Variants in EYS observed in about 807,000 individuals in gnomAD.
EYS encodes the protein protein eyes shut homolog.
EYS carries 250 observed loss-of-function variants against 282.1 expected under a neutral mutation model. The observed-to-expected ratio is 0.89, with a 90% confidence interval of 0.80 to 0.98. EYS has a LOEUF of 0.98. Among genes scored for constraint, EYS ranks in the 50% least tolerant of loss-of-function variants. EYS has a pLI of 0.00. For missense variants in EYS, 4,016 were observed against 3,709.0 expected (o/e 1.08, Z -2.15); for synonymous variants, 1,355 against 1,282.9 (o/e 1.06, Z -1.20).
At chr6:63,998,554 C>A (rs1461379587) in intron 34 of EYS, among the ~76,000 whole-genome samples, 1 of 152,086 alleles carries the variant, frequency 6.6e-6, no homozygotes, top group Non-Finnish European at 1.5e-5. Context: ...ATGTAACCAA[C>A]CACATCATTA....
chr6:65,652,063 A>G (rs1767671035), intron 1 of EYS, among the ~76,000 whole-genome samples: 1 of 152,048 alleles, frequency 6.6e-6, no homozygotes, highest in African/African-American at 2.4e-5. Context: ...ATTAAAATAA[A>G]TAAAAGCAAA....
intron 32 of EYS, among the ~76,000 whole-genome samples, chr6:64,071,001 A>G (rs1215079249): frequency 6.6e-6 from 1 of 152,034 alleles, no homozygotes; most frequent in Non-Finnish European, 1.5e-5. Flanking sequence ...TCCCTGTGTG[A>G]GAGCTTACCT....
At chr6:63,849,310 A>G (rs1772181695) in intron 36 of EYS, among the ~76,000 whole-genome samples, 1 of 152,172 alleles carries the variant, frequency 6.6e-6, no homozygotes, top group Non-Finnish European at 1.5e-5. Flanking sequence ...AGAGCAGCAG[A>G]TCTCCCAGCA....
At chr6:64,351,218 G>C (rs1217492081) in intron 29 of EYS, among the ~76,000 whole-genome samples, 1 of 151,514 alleles carries the variant, frequency 6.6e-6, no homozygotes, top group Non-Finnish European at 1.5e-5. Context: ...CGAATTTTAA[G>C]TTAACTAAGA....
At chr6:65,586,286 G>T (rs1365401502) in intron 2 of EYS, among the ~76,000 whole-genome samples, 1 of 151,888 alleles carries the variant, frequency 6.6e-6, no homozygotes, top group African/African-American at 2.4e-5. Context: ...AAATTAATAT[G>T]GTAATATGCA....
rs983869256 is a variant in EYS, at chr6:65,344,322, T to C, written c.1460-145A>G. ...ATAAGTTCCTGTATGCATATGATAT[T>C]GAATTTGAAGAAGACCTCAAAGCCC... On this transcript the variant is annotated intron_variant, in intron 9 of 42. Coordinates refer to ENST00000503581, the MANE Select transcript of EYS (RefSeq NM_001142800.2). 8.1e-5 allele frequency: 56 copies of C among 688,034 alleles called. 1 individual carries two copies. Among genetic ancestry groups the C allele is most frequent in the Non-Finnish European group, 1.3e-5 (5 of 396,062 alleles). The allele number at this position is 688,034 out of a possible 1,614,324, so 42.6% of individuals were successfully genotyped here. A position where few individuals can be genotyped will look rare whatever the true frequency, so the allele number is the denominator to read the frequency against.
chr6:64,233,864 A>G (rs1426453392), intron 30 of EYS, among the ~76,000 whole-genome samples: 1 of 152,182 alleles, frequency 6.6e-6, no homozygotes, highest in East Asian at 1.9e-4. Flanking sequence ...AACACACACT[A>G]CTTATTTCAA....
At chr6:64,662,260 C>A (rs1272480968) in intron 22 of EYS, among the ~76,000 whole-genome samples, 1 of 150,128 alleles carries the variant, frequency 6.7e-6, no homozygotes, top group African/African-American at 2.5e-5. Flanking sequence ...GGAGGGATAG[C>A]ATTAGGAGAT....
intron 40 of EYS, among the ~76,000 whole-genome samples, chr6:63,765,584 A>T (rs1296595847): frequency 6.6e-6 from 1 of 151,884 alleles, no homozygotes; most frequent in East Asian, 1.9e-4. Context: ...GCAATGTGTG[A>T]TGATCACATC....
intron 26 of EYS, among the ~76,000 whole-genome samples, chr6:64,460,685 C>T (rs189094739): frequency 6.8e-4 from 104 of 152,262 alleles, no homozygotes; most frequent in African/African-American, 2.3e-3. Flanking sequence ...GTCTAATGGT[C>T]CTCCTCAAGC....
chr6:65,185,658 C>T (rs1765500528), intron 12 of EYS, among the ~76,000 whole-genome samples: 1 of 151,714 alleles, frequency 6.6e-6, no homozygotes, highest in Non-Finnish European at 1.5e-5. Context: ...GTGCTAGGCT[C>T]TGTTATATTT....
intron 11 of EYS, among the ~76,000 whole-genome samples, chr6:65,325,508 T>C (rs1240040334): frequency 6.6e-6 from 1 of 152,084 alleles, no homozygotes; most frequent in Non-Finnish European, 1.5e-5. Flanking sequence ...GCAGGAGGAT[T>C]TGAACTTCTT....
chr6:64,918,771 T>G (rs769183963), intron 15 of EYS, among the ~76,000 whole-genome samples: 5 of 152,038 alleles, frequency 3.3e-5, no homozygotes, highest in Admixed American at 1.3e-4. Context: ...ATGACAACGA[T>G]GGAAATAGAA....
chr6:65,321,956 C>T (rs56654764), intron 11 of EYS, among the ~76,000 whole-genome samples: 8,143 of 152,122 alleles, frequency 0.054, 686 homozygotes, highest in African/African-American at 0.18. Flanking sequence ...ATCTCCTTTT[C>T]CTTATTTGTG....
At chr6:64,599,926 A>G (rs1392045691) in intron 24 of EYS, among the ~76,000 whole-genome samples, 1 of 152,186 alleles carries the variant, frequency 6.6e-6, no homozygotes, top group Non-Finnish European at 1.5e-5. Context: ...ACTGTCAATT[A>G]AATTTAATCA....
At chr6:65,563,118 T>G (rs892250652) in intron 2 of EYS, among the ~76,000 whole-genome samples, 1 of 152,100 alleles carries the variant, frequency 6.6e-6, no homozygotes, top group Non-Finnish European at 1.5e-5. Context: ...TCGAGAGAAT[T>G]TGAATAAATT....
At chr6:64,109,761 G>A (rs1048178923) in intron 31 of EYS, among the ~76,000 whole-genome samples, 4 of 152,060 alleles carry the variant, frequency 2.6e-5, no homozygotes, top group Non-Finnish European at 5.9e-5. Context: ...TTACATGCCT[G>A]GTCTTTTTAT....
chr6:65,598,849 C>A (rs141717971), intron 2 of EYS, among the ~76,000 whole-genome samples: 33 of 152,204 alleles, frequency 2.2e-4, no homozygotes, highest in African/African-American at 7.7e-4. Flanking sequence ...TATTTAACCT[C>A]TTTGCCTCAT....
intron 29 of EYS, among the ~76,000 whole-genome samples, chr6:64,312,644 C>A (rs980380417): frequency 2.0e-5 from 3 of 152,184 alleles, no homozygotes; most frequent in Admixed American, 1.3e-4. Context: ...TGGCTGGCAT[C>A]TGGCTGGTTC....
Sources: allele counts gnomAD v4.1 joint callset (sites outside exome capture counted in the v4.1 genomes callset), GRCh38; gene constraint gnomAD v4.1.1; transcripts MANE v1.5; gene names NCBI Gene and HGNC (gene_info 2026-07-23, HGNC 2026-07-21).